Variants in CFAP61 observed in about 807,000 individuals in gnomAD.
CFAP61 encodes cilia and flagella associated protein 61.
CFAP61 carries 107 observed loss-of-function variants against 135.6 expected under a neutral mutation model. That is an observed-to-expected ratio of 0.79 (90% CI 0.67 to 0.93). The LOEUF (loss-of-function observed/expected upper bound fraction) is 0.93. Ranked by LOEUF, CFAP61 falls within the 40% of genes least tolerant of loss-of-function variation. The pLI is 0.00. For missense variants in CFAP61, 1,507 were observed against 1,556.2 expected (o/e 0.97, Z 0.53); for synonymous variants, 575 against 578.5 (o/e 0.99, Z 0.09).
chr20:20,345,492 A>G (rs74529691), intron 26 of CFAP61, among the ~76,000 whole-genome samples: 2,315 of 152,304 alleles, frequency 0.015, 61 homozygotes, highest in African/African-American at 0.053. Flanking sequence ...TACAAGTTCA[A>G]TCCCATTAAC....
At chr20:20,217,250 A>G (rs1289285293) in intron 17 of CFAP61, among the ~76,000 whole-genome samples, 1 of 152,254 alleles carries the variant, frequency 6.6e-6, no homozygotes, top group Non-Finnish European at 1.5e-5. Context: ...GAAAGAGAAT[A>G]CAAACCATTG....
intron 15 of CFAP61, 72 bp from the exon 16 acceptor site, chr20:20,196,498 G>A: frequency 1.7e-6 from 2 of 1,171,716 alleles, no homozygotes; most frequent in Non-Finnish European, 2.5e-6. Context: ...ATTTTTAAAA[G>A]ATATTTATCA....
intron 2 of CFAP61, among the ~76,000 whole-genome samples, chr20:20,068,342 C>T (rs546071712): frequency 6.6e-6 from 1 of 152,302 alleles, no homozygotes; most frequent in African/African-American, 2.4e-5. Context: ...GGCAGAGGAG[C>T]CCAGAAGACC....
intron 17 of CFAP61, among the ~76,000 whole-genome samples, chr20:20,200,300 A>G (rs1331967811): frequency 6.6e-6 from 1 of 152,214 alleles, no homozygotes; most frequent in Non-Finnish European, 1.5e-5. Context: ...AAGCTGACAG[A>G]GAAAACAGAG....
At chr20:20,319,493 G>A (rs1199668312) in intron 25 of CFAP61, among the ~76,000 whole-genome samples, 1 of 152,164 alleles carries the variant, frequency 6.6e-6, no homozygotes. Flanking sequence ...TTGTAATAGT[G>A]AGTTCTCATG....
At chr20:20,090,765 G>T (rs1196097404) in intron 6 of CFAP61, 79 bp from the exon 7 acceptor site, 1 of 1,466,936 alleles carries the variant, frequency 6.8e-7, no homozygotes, top group African/African-American at 1.4e-5. Flanking sequence ...TTAGAACAGG[G>T]TCTGGCACAC....
chr20:20,277,204 A>G lies in CFAP61; in HGVS notation c.2542A>G (p.Thr848Ala). 1 of 1,613,418 alleles carries G rather than the reference A, an allele frequency of 6.2e-7. No individual in the cohort carries two copies. The highest frequency in any genetic ancestry group is 8.5e-7 in the Non-Finnish European group (1 of 1,179,734). Residue 848 changes from threonine to alanine, a missense_variant, in exon 22 of 27, where the codon ACC (threonine) becomes GCC (alanine). Transcript: ENST00000245957. ...IVYGNTIDTY[T>A]TVETLLNLGV... The stretch of plus-strand genomic sequence containing the variant: ...CTATGGGAATACAATTGATACTTAC[A>G]CCACCGTGGAGACGCTCTTAAACCT...
intron 8 of CFAP61, among the ~76,000 whole-genome samples, chr20:20,128,423 G>A (rs972730258): frequency 2.6e-5 from 4 of 151,602 alleles, no homozygotes; most frequent in South Asian, 2.1e-4. Flanking sequence ...TCCAGGTAAG[G>A]TCAGAAATTT....
chr20:20,275,875 C>T (rs956668074), intron 21 of CFAP61, among the ~76,000 whole-genome samples: 4 of 152,188 alleles, frequency 2.6e-5, no homozygotes, highest in African/African-American at 9.7e-5. Context: ...AATGTTGCCT[C>T]TTTCAGCCAA....
At position 20,234,456 on chromosome 20, in the gene CFAP61, T is replaced by C. The variant is rs1441625186; in HGVS notation, c.2060+6080T>C. ...GACGATGATGGAGAAGAAGCAAGGG[T>C]TAGGTAAGAAGGCTGTGGGGAGAGG... On this transcript the variant is annotated intron_variant, in intron 18 of 26. Coordinates refer to ENST00000245957, the MANE Select transcript of CFAP61 (RefSeq NM_015585.4). Among the ~76,000 whole-genome samples the C allele has an allele frequency of 4.6e-5, 7 of 152,278 alleles. No individual in the cohort carries two copies. In the East Asian group the frequency reaches 9.7e-4, roughly 21 times the overall value.
intron 15 of CFAP61, among the ~76,000 whole-genome samples, chr20:20,195,945 A>T (rs889973656): frequency 5.9e-5 from 9 of 152,048 alleles, no homozygotes; most frequent in Non-Finnish European, 8.8e-5. Context: ...GCCAGGCGTG[A>T]TGGTGGGCGC....
At position 20,071,004 on chromosome 20, in the gene CFAP61, AG is replaced by A; in HGVS notation, c.294+1del. ...AGCTCGACAGTGACATCCCATGCAC[AG>A]TAAGAAATCACATACAGTGCTTGTT... On this transcript the variant is annotated splice_donor_variant, in intron 3 of 26. Coordinates refer to ENST00000245957, the MANE Select transcript of CFAP61 (RefSeq NM_015585.4). LOFTEE classifies it high-confidence loss of function. 6.2e-7 allele frequency: 1 copy of A among 1,612,984 alleles called. No homozygotes were observed. The highest frequency in any genetic ancestry group is 8.5e-7 in the Non-Finnish European group (1 of 1,179,526).
At chr20:20,166,375 G>C in intron 11 of CFAP61, 22 bp from the exon 12 acceptor site, 1 of 1,611,278 alleles carries the variant, frequency 6.2e-7, no homozygotes, top group Non-Finnish European at 8.5e-7. Context: ...GGCACTGACA[G>C]TGCTTACTGT....
At position 20,213,899 on chromosome 20, in the gene CFAP61, A is replaced by ATCTC. The variant is rs72052231; in HGVS notation, c.1932+14014_1932+14017dup. Among the ~76,000 whole-genome samples the ATCTC allele has an allele frequency of 8.6e-3, 1,264 of 147,588 alleles. 20 individuals are homozygous for ATCTC. Among genetic ancestry groups the ATCTC allele is most frequent in the African/African-American group, 0.03 (1,202 of 40,256 alleles). On this transcript the variant is annotated intron_variant, in intron 17 of 26. Coordinates refer to ENST00000245957, the MANE Select transcript of CFAP61 (RefSeq NM_015585.4). ...AGAGCTGTTTTCGCCATGGTGTGCA[A>ATCTC]TCTCTCTCTCTCTCTCTCTCCACCC... is the stretch of plus-strand genomic sequence containing the variant.
At chr20:20,206,304 C>T (rs189136541) in intron 17 of CFAP61, among the ~76,000 whole-genome samples, 296 of 152,292 alleles carry the variant, frequency 1.9e-3, no homozygotes, top group Non-Finnish European at 3.4e-3. Context: ...CCCACTTAAA[C>T]CATACAATTC....
chr20:20,261,750 CTCTA>C (rs2052242717), intron 20 of CFAP61, among the ~76,000 whole-genome samples: 5 of 152,170 alleles, frequency 3.3e-5, no homozygotes, highest in African/African-American at 1.2e-4. Context: ...TGGATCCATA[CTCTA>C]CACTGGCAGC....
rs911190604 is a variant in CFAP61 at position 20,298,192 on chromosome 20, A to G, written c.3228A>G (p.Leu1076=). 2.5e-6 allele frequency: 4 copies of G among 1,612,924 alleles called. No individual in the cohort carries two copies. The highest frequency in any genetic ancestry group is 3.4e-6 in the Non-Finnish European group (4 of 1,178,872). Residue 1076 remains leucine (L), a synonymous_variant, in exon 25 of 27, where the codon CTA becomes CTG. Transcript: ENST00000245957. Reference sequence around the variant, plus strand: ...CATCCCTCCTCCAGGGTTTAGAACTAGTAACCGGCAGTGCGAAAAATGGGA... The same window carrying G: ...CATCCCTCCTCCAGGGTTTAGAACTGGTAACCGGCAGTGCGAAAAATGGGA... ...QMAQPNYGLE[L]VTGSAKNGTY...
At chr20:20,277,735 T>G (rs1447862064) in intron 22 of CFAP61, among the ~76,000 whole-genome samples, 2 of 152,232 alleles carry the variant, frequency 1.3e-5, no homozygotes, top group African/African-American at 4.8e-5. Flanking sequence ...AGCTGGGAAG[T>G]TCTCACTTGA....
At chr20:20,186,195 C>T (rs2146862624) in intron 13 of CFAP61, among the ~76,000 whole-genome samples, 1 of 152,308 alleles carries the variant, frequency 6.6e-6, no homozygotes, top group East Asian at 1.9e-4. Flanking sequence ...TCCCCTCAGC[C>T]CCCAACAATC....
Sources: allele counts gnomAD v4.1 joint callset (sites outside exome capture counted in the v4.1 genomes callset), GRCh38; gene constraint gnomAD v4.1.1; transcripts MANE v1.5; gene names NCBI Gene and HGNC (gene_info 2026-07-23, HGNC 2026-07-21).